SECISBP2: variants seen among roughly 807,000 people sequenced by gnomAD.
The protein encoded by SECISBP2 is selenocysteine insertion sequence-binding protein 2.
Under a neutral mutation model 98.2 loss-of-function variants are expected in SECISBP2, and 96 were observed. The observed-to-expected ratio is 0.98, with a 90% CI of 0.83 to 1.16. The LOEUF is 1.16. Among genes scored for constraint, SECISBP2 ranks in the 50% most tolerant of loss-of-function variants. The probability of loss-of-function intolerance (pLI) is 0.00; values close to 1 mark genes in which losing one functional copy is unlikely to be tolerated. For missense variants in SECISBP2, 1,046 were observed against 1,022.9 expected (o/e 1.02, Z -0.31); for synonymous variants, 407 against 370.2 (o/e 1.10, Z -1.14).
intron 7 of SECISBP2, among the ~76,000 whole-genome samples, chr9:89,336,766 CTTTTTT>C (rs1167993596): frequency 9.3e-5 from 7 of 75,210 alleles, no homozygotes; most frequent in East Asian, 3.8e-4. Flanking sequence ...CTGTCTAATT[CTTTTTT>C]TTTTTTTTTT....
intron 10 of SECISBP2, among the ~76,000 whole-genome samples, chr9:89,346,618 A>C (rs1830456003): frequency 7.5e-6 from 1 of 133,570 alleles, no homozygotes; most frequent in South Asian, 2.6e-4. Context: ...GATTACATGG[A>C]TAGGAAGGTA....
intron 10 of SECISBP2, among the ~76,000 whole-genome samples, chr9:89,343,793 G>A (rs7852320): frequency 0.14 from 20,573 of 152,104 alleles, 1,549 homozygotes; most frequent in South Asian, 0.27. Context: ...ATAGTACTGC[G>A]GTGAACATTC....
In SECISBP2 at chr9:89,338,469, A is replaced by G. The variant is rs745813967; in HGVS notation, c.1101A>G (p.Ser367=). Residue 367 remains serine (S), a synonymous_variant, in exon 8 of 17, where the codon TCA becomes TCG. Transcript: ENST00000375807. ...IIHPTQKSKA[S]QGSDLEQNEA... ...ATTTTCTGTTCTAGTCTAAAGCATC[A>G]CAAGGTAGTGACCTTGAACAAAATG... 8.7e-6 allele frequency: 14 copies of G among 1,613,536 alleles called. No homozygotes were observed. In the Admixed American group the frequency reaches 2.0e-4, roughly 23 times the overall value.
intron 4 of SECISBP2, among the ~76,000 whole-genome samples, chr9:89,326,623 C>T (rs952460037): frequency 2.0e-5 from 3 of 152,188 alleles, no homozygotes; most frequent in Non-Finnish European, 2.9e-5. Context: ...GTAACTATTT[C>T]ATCAGCCTTA....
At chr9:89,327,731 A>G (rs1451254752) in intron 4 of SECISBP2, among the ~76,000 whole-genome samples, 1 of 152,156 alleles carries the variant, frequency 6.6e-6, no homozygotes, top group Non-Finnish European at 1.5e-5. Context: ...CTCCTGTGAT[A>G]ACAATGCCTT....
At chr9:89,354,136 A>G (rs1831701971) in intron 14 of SECISBP2, among the ~76,000 whole-genome samples, 1 of 152,242 alleles carries the variant, frequency 6.6e-6, no homozygotes, top group Non-Finnish European at 1.5e-5. Context: ...GAACTTCAGT[A>G]GTTGGCCCTT....
downstream of SECISBP2, chr9:89,363,522 T>A: frequency 3.7e-6 from 6 of 1,614,000 alleles, no homozygotes; most frequent in Non-Finnish European, 5.1e-6. Context: ...TCCTGGTGGG[T>A]CACTTCTGGA....
At chr9:89,344,743 T>C (rs971881626) in intron 10 of SECISBP2, among the ~76,000 whole-genome samples, 3 of 152,238 alleles carry the variant, frequency 2.0e-5, no homozygotes, top group African/African-American at 7.2e-5. Flanking sequence ...ATATACATGT[T>C]AGTTTATATA....
chr9:89,319,153 T>C (rs1825238716), intron 1 of SECISBP2: 1 of 724,826 alleles, frequency 1.4e-6, no homozygotes, highest in South Asian at 5.5e-5. Flanking sequence ...TAATATTTTC[T>C]AGCAAAGCAA....
chr9:89,324,469 C>T (rs1230722118), intron 2 of SECISBP2: 1 of 152,130 alleles, frequency 6.6e-6, no homozygotes, highest in Non-Finnish European at 1.5e-5. Flanking sequence ...AAGCAGTAAA[C>T]GTTATTATAT....
intron 14 of SECISBP2, among the ~76,000 whole-genome samples, chr9:89,353,863 G>A (rs1342444038): frequency 6.6e-6 from 1 of 152,192 alleles, no homozygotes; most frequent in Non-Finnish European, 1.5e-5. Context: ...TACTTAAAAT[G>A]CATTTGTGTA....
chr9:89,346,777 A>G (rs1388021407), intron 10 of SECISBP2, 105 bp from the exon 11 acceptor site: 3 of 1,358,484 alleles, frequency 2.2e-6, no homozygotes, highest in South Asian at 2.4e-5. Context: ...TGACTTGGCA[A>G]ACTCCTTCAG....
chr9:89,357,861 G>A (rs1207707035), intron 15 of SECISBP2, 138 bp from the exon 16 acceptor site: 4 of 1,025,160 alleles, frequency 3.9e-6, no homozygotes, highest in African/African-American at 3.2e-5. Context: ...CAGCATCCCT[G>A]GTACCCACCC....
At position 89,350,859 on chromosome 9, in the gene SECISBP2, GCA is replaced by G; in HGVS notation, c.2113+10_2113+11del. On this transcript the variant is annotated splice_region_variant and intron_variant, in intron 14 of 16. Coordinates refer to ENST00000375807, the MANE Select transcript of SECISBP2 (RefSeq NM_024077.5). Reference sequence around the variant, plus strand: ...GAGAAGATACAGTCAAAAGGTAAAGGCACAGTGTGGTCCTGTGATATGTGGGC... The same window carrying G: ...GAGAAGATACAGTCAAAAGGTAAAGGCAGTGTGGTCCTGTGATATGTGGGC... 1 of 1,611,820 alleles carries G rather than the reference GCA, an allele frequency of 6.2e-7. No individual in the cohort carries two copies. Among genetic ancestry groups the G allele is most frequent in the Non-Finnish European group, 8.5e-7 (1 of 1,178,118 alleles).
chr9:89,340,741 A>G (rs1829530119), intron 9 of SECISBP2, among the ~76,000 whole-genome samples: 1 of 152,208 alleles, frequency 6.6e-6, no homozygotes, highest in Admixed American at 6.5e-5. Flanking sequence ...CGGAGGCACT[A>G]AAGCAAATGG....
downstream of SECISBP2, among the ~76,000 whole-genome samples, chr9:89,363,264 A>C (rs1413514460): frequency 1.0e-4 from 15 of 143,690 alleles, no homozygotes; most frequent in Admixed American, 1.1e-3. Flanking sequence ...AAGACGTGGG[A>C]TTTCCCCCCC....
chr9:89,340,083 A>G (rs1829430455), intron 9 of SECISBP2, 130 bp downstream of exon 9: 4 of 685,056 alleles, frequency 5.8e-6, no homozygotes, highest in Non-Finnish European at 8.0e-6. Context: ...TCATTCCTTC[A>G]TGAGAGAACT....
intron 7 of SECISBP2, among the ~76,000 whole-genome samples, chr9:89,336,080 G>GATTTTTTTTTT (rs1564372011): frequency 4.5e-5 from 2 of 44,552 alleles, no homozygotes; most frequent in Non-Finnish European, 4.6e-5. Context: ...AATTTTAAGT[G>GATTTTTTTTTT]CTTTTTTTTT....
intron 14 of SECISBP2, chr9:89,355,047 G>A: frequency 1.0e-6 from 1 of 985,404 alleles, no homozygotes; most frequent in Non-Finnish European, 1.2e-6. Context: ...GCTTTGGGTA[G>A]ATCAGGGGCA....
Sources: allele counts gnomAD v4.1 joint callset (sites outside exome capture counted in the v4.1 genomes callset), GRCh38; gene constraint gnomAD v4.1.1; transcripts MANE v1.5; gene names NCBI Gene and HGNC (gene_info 2026-07-23, HGNC 2026-07-21).